PTPRM: variants seen among roughly 807,000 people sequenced by gnomAD.
The protein encoded by PTPRM is protein tyrosine phosphatase receptor type M.
A neutral mutation model predicts 186.7 loss-of-function variants in PTPRM; 47 were observed. The ratio of observed to expected loss-of-function variants is 0.25; its 90% CI spans 0.20 to 0.32. The LOEUF (loss-of-function observed/expected upper bound fraction) is 0.32. Ranked by LOEUF, PTPRM falls within the 10% of genes least tolerant of loss-of-function variation. The pLI is 1.00. For missense variants in PTPRM, 1,494 were observed against 1,865.0 expected, an observed-to-expected ratio of 0.80 and a Z score of 3.66; for synonymous variants, 668 against 674.9, an observed-to-expected ratio of 0.99 and a Z score of 0.16.
At chr18:8,212,325 G>A (rs543805160) in intron 14 of PTPRM, among the ~76,000 whole-genome samples, 1 of 152,302 alleles carries the variant, frequency 6.6e-6, no homozygotes, top group East Asian at 1.9e-4. Flanking sequence ...GGTGTGGCCT[G>A]CAGGTAATGC....
At chr18:7,999,110 C>T (rs2083716367) in intron 7 of PTPRM, among the ~76,000 whole-genome samples, 1 of 152,160 alleles carries the variant, frequency 6.6e-6, no homozygotes, top group Non-Finnish European at 1.5e-5. Context: ...TGGGAACCGC[C>T]CTGGACAGGA....
chr18:7,994,635 G>A (rs2083439795), intron 7 of PTPRM, among the ~76,000 whole-genome samples: 1 of 152,028 alleles, frequency 6.6e-6, no homozygotes, highest in South Asian at 2.1e-4. Context: ...TATTTTATCA[G>A]AACACAATGG....
intron 2 of PTPRM, among the ~76,000 whole-genome samples, chr18:7,855,560 A>T (rs1301554215): frequency 6.6e-6 from 1 of 152,198 alleles, no homozygotes; most frequent in South Asian, 2.1e-4. Context: ...TCCACCCTCT[A>T]CTAAATCTTA....
intron 7 of PTPRM, among the ~76,000 whole-genome samples, chr18:8,050,860 C>G (rs2087444396): frequency 6.6e-6 from 1 of 152,124 alleles, no homozygotes; most frequent in Non-Finnish European, 1.5e-5. Flanking sequence ...CCTGATGTGA[C>G]AGCCCTGAGT....
intron 1 of PTPRM, among the ~76,000 whole-genome samples, chr18:7,691,874 G>T (rs1284584978): frequency 6.6e-6 from 1 of 151,850 alleles, no homozygotes; most frequent in Non-Finnish European, 1.5e-5. Flanking sequence ...GGTTAAGGAG[G>T]TGGGAGGATG....
intron 28 of PTPRM, 133 bp from the exon 29 acceptor site, chr18:8,380,163 G>T: frequency 2.3e-5 from 20 of 877,500 alleles, no homozygotes; most frequent in East Asian, 5.2e-5. Context: ...TGCTGACAAT[G>T]GTGACAGAAT....
intron 32 of PTPRM, among the ~76,000 whole-genome samples, chr18:8,400,712 G>T (rs952392339): frequency 1.3e-5 from 2 of 152,180 alleles, no homozygotes; most frequent in African/African-American, 4.8e-5. Context: ...CGACCCTCCA[G>T]ACTCAGCCTC....
At chr18:8,069,161 C>G (rs2089305466) in intron 7 of PTPRM, among the ~76,000 whole-genome samples, 1 of 150,184 alleles carries the variant, frequency 6.7e-6, no homozygotes, top group Non-Finnish European at 1.5e-5. Context: ...TATCAGAGAC[C>G]CAGAGAAAAA....
Position 8,383,741 on chromosome 18 carries a change from A to G in PTPRM, c.3919-820A>G, listed in dbSNP as rs975233597. 2.0e-5 allele frequency among the ~76,000 whole-genome samples: 3 copies of G among 152,250 alleles called. No individual in the cohort carries two copies. The East Asian group carries it at 5.8e-4, about 29-fold the overall frequency. On this transcript the variant is annotated intron_variant, in intron 29 of 32. Coordinates refer to ENST00000580170, the MANE Select transcript of PTPRM (RefSeq NM_001105244.2). Reference sequence around the variant, plus strand: ...CAAGGGTTTGGACTGGAACATAAAAATGCAACCCAACAATGTTATCAGTTC... The same window carrying G: ...CAAGGGTTTGGACTGGAACATAAAAGTGCAACCCAACAATGTTATCAGTTC...
At position 8,345,233 on chromosome 18, in the gene PTPRM, A is replaced by G. The variant is rs574238152; in HGVS notation, c.3054+1713A>G. Among the ~76,000 whole-genome samples the G allele has an allele frequency of 2.8e-4, 39 of 141,756 alleles. 1 individual carries two copies. The South Asian group carries it at 8.9e-3, about 32-fold the overall frequency. 93.0% of individuals were successfully genotyped at this position (141,756 alleles called of 152,430 possible). On this transcript the variant is annotated intron_variant, in intron 23 of 32. Transcript: ENST00000580170. Reference sequence around the variant, plus strand: ...GATAGATGAAGAACAGAGCAAAACCAAAGAAAAAAAAAAGGAAATAATAAA... The same window carrying G: ...GATAGATGAAGAACAGAGCAAAACCGAAGAAAAAAAAAAGGAAATAATAAA...
intron 19 of PTPRM, among the ~76,000 whole-genome samples, chr18:8,292,498 G>A (rs1045597162): frequency 2.0e-5 from 3 of 152,160 alleles, no homozygotes; most frequent in African/African-American, 7.2e-5. Flanking sequence ...GAACACTTAC[G>A]GAAAATGCAA....
intron 19 of PTPRM, among the ~76,000 whole-genome samples, chr18:8,259,155 C>G (rs7230281): frequency 0.16 from 23,574 of 151,974 alleles, 1,951 homozygotes; most frequent in Middle Eastern, 0.24. Flanking sequence ...CGCCATGTTA[C>G]CCAGGCTGGT....
intron 13 of PTPRM, among the ~76,000 whole-genome samples, chr18:8,127,422 T>TTTG (rs1555756153): frequency 1.3e-5 from 2 of 151,478 alleles, no homozygotes; most frequent in South Asian, 2.1e-4. Flanking sequence ...TGTATTGTTT[T>TTTG]TTTTTTTTTT....
At chr18:7,573,930 A>G (rs2143382417) in intron 1 of PTPRM, among the ~76,000 whole-genome samples, 1 of 152,274 alleles carries the variant, frequency 6.6e-6, no homozygotes, top group Non-Finnish European at 1.5e-5. Context: ...TTGAGCCAGC[A>G]GCATCAGCAT....
At chr18:7,854,256 A>T (rs1478433066) in intron 2 of PTPRM, among the ~76,000 whole-genome samples, 1 of 152,174 alleles carries the variant, frequency 6.6e-6, no homozygotes, top group African/African-American at 2.4e-5. Flanking sequence ...ATGTAGAAGA[A>T]ATAAGAGCCT....
At chr18:8,315,295 T>A (rs2148034721) in intron 21 of PTPRM, among the ~76,000 whole-genome samples, 1 of 152,340 alleles carries the variant, frequency 6.6e-6, no homozygotes, top group South Asian at 2.1e-4. Context: ...TAATTCCTAA[T>A]ACGGCGATTT....
intron 14 of PTPRM, among the ~76,000 whole-genome samples, chr18:8,238,649 GTGTTTTTTT>G (rs1232365097): frequency 4.1e-4 from 30 of 73,698 alleles, no homozygotes; most frequent in African/African-American, 1.3e-3. Flanking sequence ...ACTGTTTTGT[GTGTTTTTTT>G]TTTTTTTTTT....
At chr18:7,989,904 C>T (rs548535828) in intron 7 of PTPRM, among the ~76,000 whole-genome samples, 2 of 152,100 alleles carry the variant, frequency 1.3e-5, no homozygotes, top group East Asian at 3.9e-4. Context: ...TTTCTTCCTT[C>T]TTCTTCTTTT....
intron 7 of PTPRM, among the ~76,000 whole-genome samples, chr18:7,961,167 G>A (rs1273852064): frequency 6.6e-6 from 1 of 152,114 alleles, no homozygotes; most frequent in African/African-American, 2.4e-5. Context: ...ATTTTTAAAT[G>A]TACAATTATT....
Sources: gnomAD v4.1 joint callset for allele counts (sites outside exome capture counted in the v4.1 genomes callset) on GRCh38, gnomAD v4.1.1 for gene constraint, MANE v1.5 for transcripts, NCBI Gene and HGNC (gene_info 2026-07-23, HGNC 2026-07-21) for gene names.